The following STXBP3 variants were observed in gnomAD, a reference collection of about 807,000 sequenced individuals.
STXBP3 encodes the protein syntaxin-binding protein 3.
Under a neutral mutation model 85.7 loss-of-function variants are expected in STXBP3, and 41 were observed. The observed-to-expected ratio is 0.48, with a 90% CI of 0.37 to 0.62. The LOEUF (loss-of-function observed/expected upper bound fraction) is 0.62, where lower values mean the gene tolerates loss of function less well. Among genes scored for constraint, STXBP3 ranks in the 20% least tolerant of loss-of-function variants. The probability of loss-of-function intolerance (pLI) is 0.00; values close to 1 mark genes in which losing one functional copy is unlikely to be tolerated. For synonymous variants in STXBP3, 229 were observed against 231.7 expected (o/e 0.99, Z 0.10); for missense variants, 563 against 703.1 (o/e 0.80, Z 2.25).
intron 7 of STXBP3, among the ~76,000 whole-genome samples, chr1:108,774,020 C>A (rs1662530674): frequency 6.6e-6 from 1 of 152,142 alleles, no homozygotes; most frequent in African/African-American, 2.4e-5. Context: ...GCTCTCCCGT[C>A]CCTTTTCTTC....
intron 8 of STXBP3, among the ~76,000 whole-genome samples, chr1:108,776,991 A>G (rs1304687407): frequency 6.6e-6 from 1 of 152,176 alleles, no homozygotes; most frequent in African/African-American, 2.4e-5. Flanking sequence ...AATGGCAGCC[A>G]TTGTTATCCT....
At chr1:108,774,358 C>T (rs994159072) in intron 7 of STXBP3, among the ~76,000 whole-genome samples, 3 of 152,132 alleles carry the variant, frequency 2.0e-5, no homozygotes, top group Non-Finnish European at 2.9e-5. Context: ...AAATATATTG[C>T]ACTACTCGTA....
chr1:108,758,103 C>T (rs879385337), intron 4 of STXBP3, among the ~76,000 whole-genome samples: 6 of 151,958 alleles, frequency 3.9e-5, no homozygotes, highest in Non-Finnish European at 8.8e-5. Context: ...CTTCTCCAGT[C>T]ATAAGTCTTG....
chr1:108,796,172 T>A, intron 13 of STXBP3, 62 bp from the exon 14 acceptor site: 1 of 1,562,420 alleles, frequency 6.4e-7, no homozygotes, highest in East Asian at 2.3e-5. Context: ...CAATAATAGA[T>A]GTTTTTAACT....
Position 108,759,976 on chromosome 1 carries a change from T to C in STXBP3, c.338-9T>C, listed in dbSNP as rs201501170. 1,136 of 1,513,056 alleles carry C rather than the reference T, an allele frequency of 7.5e-4. 1 individual carries two copies. The highest frequency in any genetic ancestry group is 9.3e-4 in the Non-Finnish European group (1,041 of 1,118,130). 93.7% of individuals were successfully genotyped at this position (1,513,056 alleles called of 1,614,324 possible). On this transcript the variant is annotated splice_polypyrimidine_tract_variant and intron_variant, in intron 5 of 18. Transcript: ENST00000370008. The stretch of plus-strand genomic sequence containing the variant: ...TGTAACTATATGCTTTGTTTTTTTT[T>C]CCCCTCAGTTTGCCCTGATAATCTC...
intron 3 of STXBP3, among the ~76,000 whole-genome samples, chr1:108,753,939 C>T (rs1266122097): frequency 6.6e-6 from 1 of 151,930 alleles, no homozygotes; most frequent in African/African-American, 2.4e-5. Flanking sequence ...CCGTCTGTTA[C>T]TCCTAACTTA....
rs1442199239 is a variant in STXBP3, at chr1:108,756,819, A to G, written c.258+53A>G. ...GGTTCATCAATATTTCACCATTGTTATGGTTTACTAACAGAAAATTCAAAG... is the reference window on the plus strand; with the variant it reads ...GGTTCATCAATATTTCACCATTGTTGTGGTTTACTAACAGAAAATTCAAAG... On this transcript the variant is annotated intron_variant, in intron 4 of 18. Transcript: ENST00000370008. 6.6e-6 allele frequency: 9 copies of G among 1,363,100 alleles called. No individual in the cohort carries two copies. In the South Asian group the frequency reaches 1.3e-4, roughly 19 times the overall value. The allele number at this position is 1,363,100 out of a possible 1,614,324, so 84.4% of individuals were successfully genotyped here.
intron 17 of STXBP3, among the ~76,000 whole-genome samples, chr1:108,802,824 A>G (rs1356827423): frequency 2.6e-5 from 4 of 152,082 alleles, no homozygotes; most frequent in African/African-American, 7.2e-5. Flanking sequence ...ATGTTTTTAA[A>G]CTTAATATAG....
chr1:108,779,200 A>G, intron 8 of STXBP3, 86 bp from the exon 9 acceptor site: 1 of 1,406,440 alleles, frequency 7.1e-7, no homozygotes. Context: ...ACTTAGGAAA[A>G]GGGTGCTTTG....
At chr1:108,777,490 T>C (rs1024874047) in intron 8 of STXBP3, among the ~76,000 whole-genome samples, 4 of 152,154 alleles carry the variant, frequency 2.6e-5, no homozygotes, top group African/African-American at 7.2e-5. Flanking sequence ...AACCTGTTTT[T>C]GGTTTAGAGG....
intron 13 of STXBP3, 125 bp downstream of exon 13, chr1:108,795,032 C>A: frequency 2.9e-6 from 2 of 700,106 alleles, no homozygotes; most frequent in South Asian, 3.9e-5. Context: ...TCTCTCTTAT[C>A]AGGGGAGCCA....
At chr1:108,792,129 A>G (rs1481012740) in intron 11 of STXBP3, among the ~76,000 whole-genome samples, 1 of 152,232 alleles carries the variant, frequency 6.6e-6, no homozygotes. Flanking sequence ...CATGTCTATG[A>G]ACAGATGTTA....
chr1:108,793,254 G>C (rs886633322), intron 11 of STXBP3, among the ~76,000 whole-genome samples: 39 of 146,106 alleles, frequency 2.7e-4, no homozygotes, highest in African/African-American at 9.9e-4. Flanking sequence ...AACATCTTTA[G>C]GGAAAGGAAG....
At chr1:108,795,191 G>T (rs1663063994) in intron 13 of STXBP3, among the ~76,000 whole-genome samples, 1 of 152,188 alleles carries the variant, frequency 6.6e-6, no homozygotes, top group East Asian at 1.9e-4. Flanking sequence ...GGCATTATTG[G>T]CAGGACCTTC....
At chr1:108,763,679 G>A (rs1018832021) in intron 6 of STXBP3, among the ~76,000 whole-genome samples, 12 of 151,948 alleles carry the variant, frequency 7.9e-5, no homozygotes, top group East Asian at 1.9e-4. Flanking sequence ...GAGTTCAAGC[G>A]ATTCTCCTGC....
At chr1:108,796,545 G>A (rs1663104100) in intron 14 of STXBP3, 75 bp from the exon 15 acceptor site, 1 of 1,324,124 alleles carries the variant, frequency 7.6e-7, no homozygotes, top group Non-Finnish European at 1.0e-6. Flanking sequence ...CTTCATTCAT[G>A]GGTACTACCT....
intron 17 of STXBP3, among the ~76,000 whole-genome samples, chr1:108,801,869 A>G (rs944717100): frequency 6.6e-6 from 1 of 151,788 alleles, no homozygotes; most frequent in Non-Finnish European, 1.5e-5. Flanking sequence ...GGGTCTCACT[A>G]TGTTGCCCAG....
At chr1:108,793,769 A>G in intron 12 of STXBP3, 122 bp downstream of exon 12, 1 of 712,734 alleles carries the variant, frequency 1.4e-6, no homozygotes, top group Admixed American at 2.7e-5. Flanking sequence ...GTCCTCTAAA[A>G]CCTTACTATA....
At chr1:108,774,165 G>A (rs555048807) in intron 7 of STXBP3, among the ~76,000 whole-genome samples, 1 of 152,102 alleles carries the variant, frequency 6.6e-6, no homozygotes, top group Non-Finnish European at 1.5e-5. Flanking sequence ...AGTCATCCAT[G>A]TTTGTTGTGT....
Sources: allele counts gnomAD v4.1 joint callset (sites outside exome capture counted in the v4.1 genomes callset), GRCh38; gene constraint gnomAD v4.1.1; transcripts MANE v1.5; gene names NCBI Gene and HGNC (gene_info 2026-07-23, HGNC 2026-07-21).